NCKAP5: variants seen among roughly 807,000 people sequenced by gnomAD.
The protein encoded by NCKAP5 is NCK associated protein 5.
Under a neutral mutation model 167.0 loss-of-function variants are expected in NCKAP5, and 92 were observed. The observed-to-expected ratio is 0.55, with a 90% CI of 0.47 to 0.66. The LOEUF is 0.66. NCKAP5 is among the 30% of genes least tolerant of loss of function. The pLI is 0.00. For synonymous variants in NCKAP5, 891 were observed against 877.4 expected, an observed-to-expected ratio of 1.02 and a Z score of -0.27; for missense variants, 2,378 against 2,315.0, an observed-to-expected ratio of 1.03 and a Z score of -0.56.
chr2:133,126,678 A>G (rs568949108), intron 6 of NCKAP5, among the ~76,000 whole-genome samples: 18 of 152,332 alleles, frequency 1.2e-4, no homozygotes, highest in African/African-American at 4.1e-4. Context: ...TTATGAATTT[A>G]TTAACAGAGA....
chr2:132,906,077 C>T (rs1693989469), intron 8 of NCKAP5, among the ~76,000 whole-genome samples: 1 of 152,158 alleles, frequency 6.6e-6, no homozygotes. Context: ...AAAAATTATA[C>T]ATTTAGTTCA....
chr2:133,604,747 T>C, the NCKAP5 span, among the ~76,000 whole-genome samples: 1 of 152,206 alleles, frequency 6.6e-6, no homozygotes, highest in Non-Finnish European at 1.5e-5. Context: ...ACAGGGCTGA[T>C]GTGGGCATTC....
intron 19 of NCKAP5, among the ~76,000 whole-genome samples, chr2:132,675,462 T>C (rs1444470161): frequency 2.0e-5 from 3 of 152,154 alleles, no homozygotes; most frequent in Non-Finnish European, 4.4e-5. Context: ...TCAAAGTGTG[T>C]TCCCCAGACC....
intron 5 of NCKAP5, among the ~76,000 whole-genome samples, chr2:133,145,675 T>C (rs2083166100): frequency 6.6e-6 from 1 of 152,100 alleles, no homozygotes; most frequent in Non-Finnish European, 1.5e-5. Flanking sequence ...ATTGTGCATG[T>C]AGTTCATATT....
chr2:133,091,209 A>G (rs1186828991), intron 6 of NCKAP5, among the ~76,000 whole-genome samples: 1 of 152,164 alleles, frequency 6.6e-6, no homozygotes, highest in Non-Finnish European at 1.5e-5. Context: ...TTTTCTTTAT[A>G]AATTACCCAG....
At chr2:132,926,112 C>A in intron 8 of NCKAP5, 1 of 318,824 alleles carries the variant, frequency 3.1e-6, no homozygotes, top group South Asian at 2.8e-5. Context: ...TATTTAGTTC[C>A]CACTTACAAG....
At chr2:133,320,301 G>T (rs79298967) in intron 3 of NCKAP5, among the ~76,000 whole-genome samples, 76 of 152,246 alleles carry the variant, frequency 5.0e-4, no homozygotes, top group African/African-American at 1.8e-3. Flanking sequence ...CTGACAATTT[G>T]GAGATAATTT....
At chr2:133,400,219 A>G (rs965191304) in intron 3 of NCKAP5, among the ~76,000 whole-genome samples, 6 of 152,060 alleles carry the variant, frequency 3.9e-5, no homozygotes, top group African/African-American at 1.4e-4. Flanking sequence ...TCCCATTGTC[A>G]CCCAGAGCAA....
At chr2:133,154,567 T>A (rs1159314790) in intron 5 of NCKAP5, among the ~76,000 whole-genome samples, 2 of 152,214 alleles carry the variant, frequency 1.3e-5, no homozygotes, top group Non-Finnish European at 2.9e-5. Flanking sequence ...GCTGCTTCTA[T>A]AACTTACCAT....
chr2:132,932,206 T>A (rs1696432429), intron 8 of NCKAP5, among the ~76,000 whole-genome samples: 1 of 152,254 alleles, frequency 6.6e-6, no homozygotes, highest in Non-Finnish European at 1.5e-5. Context: ...CTTTACTGCC[T>A]ATTTTTGTGT....
At chr2:132,765,593 C>T (rs1339043549) in intron 16 of NCKAP5, among the ~76,000 whole-genome samples, 1 of 126,136 alleles carries the variant, frequency 7.9e-6, no homozygotes, top group East Asian at 2.5e-4. Flanking sequence ...CGTGCCCGGC[C>T]TTTCCTATGC....
At chr2:133,397,553 GT>G (rs1357016355) in intron 3 of NCKAP5, among the ~76,000 whole-genome samples, 1 of 152,126 alleles carries the variant, frequency 6.6e-6, no homozygotes, top group Non-Finnish European at 1.5e-5. Context: ...TGTTGCCTCT[GT>G]TATCTTTATT....
chr2:133,139,698 T>A (rs2082926435), intron 5 of NCKAP5, among the ~76,000 whole-genome samples: 1 of 152,194 alleles, frequency 6.6e-6, no homozygotes, highest in Non-Finnish European at 1.5e-5. Flanking sequence ...GGTGAGATAC[T>A]ACCATAAAAG....
the NCKAP5 span, among the ~76,000 whole-genome samples, chr2:133,654,973 C>A: frequency 6.6e-6 from 1 of 152,198 alleles, no homozygotes; most frequent in Non-Finnish European, 1.5e-5. Flanking sequence ...ATCAAAGCTG[C>A]TGTTGGCTGA....
the NCKAP5 span, among the ~76,000 whole-genome samples, chr2:133,635,048 ATTT>A: frequency 2.0e-5 from 3 of 151,906 alleles, no homozygotes; most frequent in African/African-American, 7.3e-5. Context: ...TAATTTTTGT[ATTT>A]TTAGTAGAAA....
At chr2:133,011,226 A>C (rs886383784) in intron 6 of NCKAP5, among the ~76,000 whole-genome samples, 2 of 152,178 alleles carry the variant, frequency 1.3e-5, no homozygotes, top group Non-Finnish European at 2.9e-5. Flanking sequence ...CACTACACAA[A>C]CATGAGAAAC....
chr2:133,405,866 T>A (rs1405071368), intron 3 of NCKAP5, among the ~76,000 whole-genome samples: 2 of 152,256 alleles, frequency 1.3e-5, no homozygotes, highest in African/African-American at 4.8e-5. Context: ...CAGAGCCAGA[T>A]GCCGTAGGCA....
At chr2:133,514,204 TA>T (rs1253311633) in intron 3 of NCKAP5, among the ~76,000 whole-genome samples, 6 of 152,128 alleles carry the variant, frequency 3.9e-5, no homozygotes, top group African/African-American at 1.4e-4. Context: ...TCTGGGCCTT[TA>T]ACCCCCACAA....
intron 16 of NCKAP5, among the ~76,000 whole-genome samples, chr2:132,755,791 G>A (rs1574093254): frequency 6.7e-6 from 1 of 150,128 alleles, no homozygotes; most frequent in South Asian, 2.1e-4. Context: ...AGATCGTGCC[G>A]CTACACTCCA....
Sources: allele counts gnomAD v4.1 joint callset (sites outside exome capture counted in the v4.1 genomes callset), GRCh38; gene constraint gnomAD v4.1.1; transcripts MANE v1.5; gene names NCBI Gene and HGNC (gene_info 2026-07-23, HGNC 2026-07-21).